DST: variants seen among roughly 807,000 people sequenced by gnomAD.
The protein encoded by DST is bullous pemphigoid antigen.
A neutral mutation model predicts 875.2 loss-of-function variants in DST; 253 were observed. The observed-to-expected ratio is 0.29, with a 90% CI of 0.26 to 0.32. DST has a LOEUF of 0.32. Ranked by LOEUF, DST falls within the 10% of genes least tolerant of loss-of-function variation. The probability of loss-of-function intolerance (pLI) is 1.00; values close to 1 mark genes in which losing one functional copy is unlikely to be tolerated. For missense variants in DST, 8,287 were observed against 9,111.6 expected (o/e 0.91, Z 3.68); for synonymous variants, 3,124 against 3,197.1 (o/e 0.98, Z 0.77).
At chr6:56,878,669 T>C (rs888989540) in intron 3 of DST, among the ~76,000 whole-genome samples, 3 of 152,126 alleles carry the variant, frequency 2.0e-5, no homozygotes, top group African/African-American at 7.2e-5. Flanking sequence ...GTCATAACTA[T>C]AAGGGCTGTG....
rs374613045 is a variant in DST, at chr6:56,635,600, G to T, written c.3175C>A (p.Gln1059Lys). Residue 1059 changes from glutamine (Q) to lysine (K), a missense_variant, in exon 24 of 104, where the codon CAG (glutamine) becomes AAG (lysine). Transcript: ENST00000680361. ...SSIHKLEDLVQESMEEKEELL... is the reference protein window; with the variant it reads ...SSIHKLEDLVKESMEEKEELL... ...TTTTGTATTAGTACCATTGATTCCT[G>T]AACAAGGTCTTCTAGCTTGTGAATG... 1.2e-6 allele frequency: 2 copies of T among 1,613,804 alleles called. No homozygotes were observed. Among genetic ancestry groups the T allele is most frequent in the Admixed American group, 3.3e-5 (2 of 59,990 alleles).
intron 72 of DST, among the ~76,000 whole-genome samples, chr6:56,513,740 T>A (rs142963194): frequency 6.6e-6 from 1 of 152,254 alleles, no homozygotes; most frequent in East Asian, 1.9e-4. Context: ...TACTCAGGTA[T>A]GTGTGTGTAT....
chr6:56,513,862 A>G (rs1269438591), intron 72 of DST, among the ~76,000 whole-genome samples: 1 of 152,164 alleles, frequency 6.6e-6, no homozygotes, highest in Non-Finnish European at 1.5e-5. Flanking sequence ...GTGACTTGAT[A>G]TCTATCATGT....
chr6:56,781,567 G>C (rs1198679346), intron 4 of DST, among the ~76,000 whole-genome samples: 1 of 152,168 alleles, frequency 6.6e-6, no homozygotes, highest in Non-Finnish European at 1.5e-5. Context: ...TTTGTACATT[G>C]ATTTTGTATC....
At chr6:56,459,303 A>G in intron 103 of DST, 36 bp from the exon 104 acceptor site, 1 of 1,584,246 alleles carries the variant, frequency 6.3e-7, no homozygotes, top group South Asian at 1.2e-5. Context: ...CACCCTTATT[A>G]TTGGGTCCAT....
chr6:56,664,774 T>C (rs1274866815), intron 10 of DST, among the ~76,000 whole-genome samples: 1 of 152,142 alleles, frequency 6.6e-6, no homozygotes, highest in Non-Finnish European at 1.5e-5. Flanking sequence ...AATAAGGTTG[T>C]ATTATATTCT....
At chr6:56,707,178 C>T (rs142129444) in intron 5 of DST, among the ~76,000 whole-genome samples, 115 of 152,314 alleles carry the variant, frequency 7.6e-4, no homozygotes, top group African/African-American at 2.7e-3. Context: ...TGTCTGTGGC[C>T]TGGGGGTTGG....
intron 5 of DST, among the ~76,000 whole-genome samples, chr6:56,727,553 C>T (rs2099468105): frequency 6.6e-6 from 1 of 152,170 alleles, no homozygotes; most frequent in Non-Finnish European, 1.5e-5. Context: ...CCAGCTAAAA[C>T]AATGACCCTC....
chr6:56,708,682 G>A (rs1199132656), intron 5 of DST, among the ~76,000 whole-genome samples: 4 of 152,072 alleles, frequency 2.6e-5, no homozygotes, highest in African/African-American at 7.2e-5. Flanking sequence ...ACAAATGAGT[G>A]GAATAAAAGA....
In DST at chr6:56,603,646, T is replaced by G; in HGVS notation, c.10859A>C (p.Gln3620Pro). The G allele has an allele frequency of 6.2e-7, 1 of 1,611,232 alleles. No individual in the cohort carries two copies. The highest frequency in any genetic ancestry group is 8.5e-7 in the Non-Finnish European group (1 of 1,178,850). ...GTTGTCTAAGGGGGGTTTCATATCT[T>G]GAAGCAATGTCAAATACTCATGCAT... is the stretch of plus-strand genomic sequence containing the variant. ...EKMHEYLTLL[Q>P]DMKPPLDNQE... is the part of the protein sequence containing the mutation. The change falls in exon 41 of 104, where the codon CAA (glutamine) becomes CCA (proline). Residue 3620 changes from glutamine (Q) to proline (P), a missense_variant. Physicochemically the swap from Gln to Pro is moderately conservative, Grantham distance 76 (BLOSUM62 -1). Transcript: ENST00000680361.
Position 56,598,670 on chromosome 6 carries a change from C to A in DST, c.11734G>T (p.Ala3912Ser). 1 of 1,609,556 alleles carries A rather than the reference C, an allele frequency of 6.2e-7. No individual in the cohort carries two copies. Among genetic ancestry groups the A allele is most frequent in the Non-Finnish European group, 8.5e-7 (1 of 1,177,968 alleles). Reference protein sequence around the residue: ...KDMQGSAQALAEVVKNTENFL... With the variant: ...KDMQGSAQALSEVVKNTENFL... The stretch of plus-strand genomic sequence containing the variant: ...TTCTCTGTGTTTTTCACTACTTCAG[C>A]CAATGCCTGTGCACTTCCTTGCATA... The change falls in exon 46 of 104, where the codon GCT (alanine) becomes TCT (serine). Residue 3912 changes from alanine to serine, a missense_variant. Around this residue, in one of 10 missense-constraint regions of DST, gnomAD observed 7 missense variants for 17.1 expected, o/e 0.41. Transcript: ENST00000680361.
At chr6:56,893,588 A>ATTTTTTTTTTTTTTTTTTTTTTTTTT (rs1788963958) in intron 3 of DST, among the ~76,000 whole-genome samples, 1 of 65,140 alleles carries the variant, frequency 1.5e-5, no homozygotes, top group Non-Finnish European at 2.8e-5. Context: ...TTTTTTTTTT[A>ATTTTTTTTTTTTTTTTTTTTTTTTTT]TTTTTTTTTA....
chr6:56,635,032 C>A, intron 24 of DST, 79 bp from the exon 25 acceptor site: 1 of 1,229,322 alleles, frequency 8.1e-7, no homozygotes, highest in South Asian at 1.3e-5. Flanking sequence ...ACAAATTAAA[C>A]TTCATCAGAA....
chr6:56,606,568 C>G lies in DST; in HGVS notation c.8060G>C (p.Cys2687Ser). ...GSLSVKNKAH[C>S]LQDFLMDVEK... ...AACATCCATAAGGAAATCCTGAAGA[C>G]AATGTGCTTTGTTCTTCACACTTAA... Residue 2687 changes from cysteine to serine, a missense_variant, in exon 40 of 104, where the codon TGT (cysteine) becomes TCT (serine). Cys to Ser is a moderately radical substitution (Grantham distance 112). This residue lies in a region of DST where 3,138 missense variants were observed against 3,116.6 expected (regional missense o/e 1.01). Coordinates refer to ENST00000680361, the MANE Select transcript of DST (RefSeq NM_001374736.1). 6.2e-7 allele frequency: 1 copy of G among 1,613,542 alleles called. No individual in the cohort carries two copies. The highest frequency in any genetic ancestry group is 8.5e-7 in the Non-Finnish European group (1 of 1,179,602).
chr6:56,907,217 T>C (rs1282814608), intron 2 of DST, among the ~76,000 whole-genome samples: 1 of 152,214 alleles, frequency 6.6e-6, no homozygotes, highest in East Asian at 1.9e-4. Flanking sequence ...CCAGTCTTGA[T>C]TGTGAGTTCC....
intron 10 of DST, among the ~76,000 whole-genome samples, chr6:56,661,491 C>CG (rs2099041225): frequency 6.6e-6 from 1 of 151,932 alleles, no homozygotes; most frequent in Admixed American, 6.6e-5. Context: ...TGGCAGCATG[C>CG]GGGGGGAGGG....
At chr6:56,843,795 C>T (rs1254895274) in intron 4 of DST, 1 of 618,542 alleles carries the variant, frequency 1.6e-6, no homozygotes, top group Non-Finnish European at 2.0e-6. Context: ...GCGCGGCGGT[C>T]AGCGCCCCGG....
chr6:56,761,696 G>A (rs1456535388), intron 4 of DST, among the ~76,000 whole-genome samples: 1 of 151,276 alleles, frequency 6.6e-6, no homozygotes, highest in Non-Finnish European at 1.5e-5. Context: ...CCCAGGTTAG[G>A]AACCTATTAA....
intron 3 of DST, among the ~76,000 whole-genome samples, chr6:56,889,516 T>C (rs1431510792): frequency 2.6e-5 from 4 of 152,218 alleles, no homozygotes; most frequent in African/African-American, 9.6e-5. Flanking sequence ...GAGAACAAGC[T>C]GCAGCTTTGG....
Sources: gnomAD v4.1 joint callset for allele counts (sites outside exome capture counted in the v4.1 genomes callset) on GRCh38, gnomAD v4.1.1 for gene constraint, gnomAD v4.1.1 regional missense constraint, MANE v1.5 for transcripts, NCBI Gene and HGNC (gene_info 2026-07-23, HGNC 2026-07-21) for gene names.